COL27A1: variants seen among roughly 807,000 people sequenced by gnomAD.
COL27A1 encodes collagen alpha-1(XXVII) chain.
COL27A1 carries 106 observed loss-of-function variants against 251.3 expected under a neutral mutation model. That is an observed-to-expected ratio of 0.42 (90% confidence interval 0.36 to 0.50). The LOEUF (loss-of-function observed/expected upper bound fraction) is 0.50. Among genes scored for constraint, COL27A1 ranks in the 20% least tolerant of loss-of-function variants. The probability of loss-of-function intolerance (pLI) is 0.00; values close to 1 mark genes in which losing one functional copy is unlikely to be tolerated. For missense variants in COL27A1, 2,325 were observed against 2,522.8 expected (o/e 0.92, Z 1.68); for synonymous variants, 1,000 against 986.3 (o/e 1.01, Z -0.26).
At position 114,295,719 on chromosome 9, in the gene COL27A1, G is replaced by T. The variant is rs187590915; in HGVS notation, c.4584+3509G>T. On this transcript the variant is annotated intron_variant, in intron 49 of 60. Coordinates refer to ENST00000356083, the MANE Select transcript of COL27A1 (RefSeq NM_032888.4). ...GTTGCCCAGGCTGGAGTGCAATGGT[G>T]CAATCTCAGCTCACCGCAACCTCCG... is the stretch of plus-strand genomic sequence containing the variant. Among the ~76,000 whole-genome samples, 46 of 152,078 alleles carry T rather than the reference G, an allele frequency of 3.0e-4. 1 individual carries two copies. The East Asian group carries it at 8.5e-3, about 28-fold the overall frequency.
chr9:114,174,870 T>G (rs542404293), intron 3 of COL27A1, among the ~76,000 whole-genome samples: 8 of 152,128 alleles, frequency 5.3e-5, no homozygotes, highest in Non-Finnish European at 1.0e-4. Context: ...GCTCAGATGG[T>G]CAGAGATGGG....
At chr9:114,205,876 C>T (rs1054745054) in intron 9 of COL27A1, 64 bp downstream of exon 9, 24 of 1,465,652 alleles carry the variant, frequency 1.6e-5, no homozygotes, top group African/African-American at 7.0e-5. Flanking sequence ...ACAGGTGCCC[C>T]GAGGCAGAGG....
chr9:114,284,571 G>T (rs1827327259), intron 40 of COL27A1, among the ~76,000 whole-genome samples, 153 bp from the exon 41 acceptor site: 1 of 152,318 alleles, frequency 6.6e-6, no homozygotes, highest in Non-Finnish European at 1.5e-5. Flanking sequence ...GAAGGCCAGG[G>T]CCCAGACAGG....
chr9:114,204,270 G>A (rs951362002), intron 7 of COL27A1, among the ~76,000 whole-genome samples: 11 of 152,174 alleles, frequency 7.2e-5, no homozygotes, highest in Admixed American at 2.0e-4. Context: ...CTGCGTAAGA[G>A]GGTCTAACAT....
Position 114,302,082 on chromosome 9 carries a change from G to T in COL27A1, c.4846G>T (p.Gly1616Cys). ...ACTGACCCGCAGTCTTCTTTTGCAG[G>T]GTCCTCCAGGGGGTCCTATCCAATT... Reference protein sequence around the residue: ...PGPRGRPGPPGPPGGPIQLQQ... With the variant: ...PGPRGRPGPPCPPGGPIQLQQ... Residue 1616 changes from glycine (G) to cysteine (C), a missense_variant and splice_region_variant, in exon 56 of 61, where the codon GGT becomes TGT. Physicochemically the swap from Gly to Cys is radical, Grantham distance 159. Coordinates refer to ENST00000356083, the MANE Select transcript of COL27A1 (RefSeq NM_032888.4). The T allele has an allele frequency of 1.9e-6, 3 of 1,612,754 alleles. No individual in the cohort carries two copies. The highest frequency in any genetic ancestry group is 2.5e-6 in the Non-Finnish European group (3 of 1,178,776).
At position 114,268,285 on chromosome 9, in the gene COL27A1, T is replaced by C. The variant is rs569057718; in HGVS notation, c.3501+728T>C. On this transcript the variant is annotated intron_variant, in intron 34 of 60. Coordinates refer to ENST00000356083, the MANE Select transcript of COL27A1 (RefSeq NM_032888.4). Reference sequence around the variant, plus strand: ...GGAGCATAGCTTGAAAATTCACCAATGAAGAAACCACCCCACGTAGAAAAC... The same window carrying C: ...GGAGCATAGCTTGAAAATTCACCAACGAAGAAACCACCCCACGTAGAAAAC... Among the ~76,000 whole-genome samples, 305 of 145,766 alleles carry C rather than the reference T, an allele frequency of 2.1e-3. 2 individuals are homozygous for C. Among genetic ancestry groups the C allele is most frequent in the African/African-American group, 7.7e-3 (301 of 38,980 alleles).
chr9:114,196,126 C>T, intron 7 of COL27A1, 114 bp downstream of exon 7: 10 of 915,022 alleles, frequency 1.1e-5, no homozygotes, highest in Admixed American at 3.5e-5. Flanking sequence ...CCCAGCTCCC[C>T]TGGGCACAGG....
chr9:114,226,810 C>T (rs1831502860), intron 14 of COL27A1, among the ~76,000 whole-genome samples: 1 of 152,234 alleles, frequency 6.6e-6, no homozygotes, highest in Admixed American at 6.5e-5. Flanking sequence ...ACTGGGATCA[C>T]AGAGGTGAGG....
At position 114,162,745 on chromosome 9, in the gene COL27A1, G is replaced by T. The variant is rs745344423; in HGVS notation, c.93G>T (p.Ser31=). 5 of 1,612,462 alleles carry T rather than the reference G, an allele frequency of 3.1e-6. No homozygotes were observed. The highest frequency in any genetic ancestry group is 2.5e-6 in the Non-Finnish European group (3 of 1,179,600). ...GGFLFSWILV[S]FACHLASTQG... Reference sequence around the variant, plus strand: ...TTCTCTTCTCCTGGATCTTAGTCTCGTTTGCCTGTCACCTGGCCTCCACCC... The same window carrying T: ...TTCTCTTCTCCTGGATCTTAGTCTCTTTTGCCTGTCACCTGGCCTCCACCC... Residue 31 remains serine (S), a synonymous_variant, in exon 2 of 61, where the codon TCG becomes TCT. Coordinates refer to ENST00000356083, the MANE Select transcript of COL27A1 (RefSeq NM_032888.4).
At chr9:114,177,139 C>G (rs1280729067) in intron 3 of COL27A1, among the ~76,000 whole-genome samples, 5 of 152,178 alleles carry the variant, frequency 3.3e-5, no homozygotes, top group African/African-American at 9.7e-5. Context: ...AGCTATTGGA[C>G]CCATCTTAAC....
At position 114,258,544 on chromosome 9, in the gene COL27A1, C is replaced by T. The variant is rs1834104213; in HGVS notation, c.3145C>T (p.Pro1049Ser). 1 of 1,614,000 alleles carries T rather than the reference C, an allele frequency of 6.2e-7. No homozygotes were observed. The highest frequency in any genetic ancestry group is 8.5e-7 in the Non-Finnish European group (1 of 1,179,968). Reference sequence around the variant, plus strand: ...AAACTCTTTCTCCTCTTCCCAGGGTCCTCCAGGATCTCGAGGCCCACCAGG... The same window carrying T: ...AAACTCTTTCTCCTCTTCCCAGGGTTCTCCAGGATCTCGAGGCCCACCAGG... ...GTPGEPGPQG[P>S]PGSRGPPGMR... Residue 1049 changes from proline to serine, a missense_variant, in exon 28 of 61, where the codon CCT becomes TCT. Pro to Ser is a moderately conservative substitution (Grantham distance 74, BLOSUM62 -1). Around this residue, in one of 4 missense-constraint regions of COL27A1, gnomAD observed 662 missense variants for 795.3 expected, o/e 0.83. Transcript: ENST00000356083.
Position 114,264,950 on chromosome 9 carries a change from G to T in COL27A1, c.3276G>T (p.Pro1092=), listed in dbSNP as rs140175927. ...LKGPPGPQGR[P]GRPGQQGVAG... is the part of the protein sequence containing the mutation. ...GCCCTCCAGGACCCCAGGGCAGACC[G>T]GGCCGGCCTGGACAGCAGGTATGTC... The change falls in exon 30 of 61, where the codon CCG becomes CCT. Residue 1092 remains proline, a synonymous_variant. Coordinates refer to ENST00000356083, the MANE Select transcript of COL27A1 (RefSeq NM_032888.4). 2.2e-5 allele frequency: 36 copies of T among 1,613,078 alleles called. No homozygotes were observed. The highest frequency in any genetic ancestry group is 2.7e-5 in the Non-Finnish European group (32 of 1,179,486).
At chr9:114,250,466 G>A (rs1564523586) in intron 24 of COL27A1, 149 bp from the exon 25 acceptor site, 1 of 683,606 alleles carries the variant, frequency 1.5e-6, no homozygotes, top group Non-Finnish European at 2.6e-6. Flanking sequence ...CCAGAGAGAG[G>A]CAGCGCTCTC....
chr9:114,283,566 C>G lies in COL27A1; in HGVS notation c.3880-143C>G, dbSNP rs916501489. ...AGGAGGGATAATGTTACTGGCTTTC[C>G]GCCTTGTTCACACACTTTGGTTATG... On this transcript the variant is annotated intron_variant, in intron 39 of 60. Transcript: ENST00000356083. 5 of 685,548 alleles carry G rather than the reference C, an allele frequency of 7.3e-6. No individual in the cohort carries two copies. In the East Asian group the frequency reaches 1.3e-4, roughly 18 times the overall value. The allele number at this position is 685,548 out of a possible 1,614,324, so 42.5% of individuals were successfully genotyped here.
intron 3 of COL27A1, among the ~76,000 whole-genome samples, chr9:114,174,619 AC>A (rs1192374439): frequency 6.6e-6 from 1 of 152,150 alleles, no homozygotes; most frequent in Non-Finnish European, 1.5e-5. Flanking sequence ...AGGGCACGGC[AC>A]AGATCTGGGG....
At chr9:114,291,578 G>A (rs1004639662) in intron 48 of COL27A1, among the ~76,000 whole-genome samples, 2 of 152,048 alleles carry the variant, frequency 1.3e-5, no homozygotes, top group South Asian at 2.1e-4. Flanking sequence ...GGGAAACCCC[G>A]TCTCTACTAA....
At chr9:114,179,658 G>A (rs891829135) in intron 4 of COL27A1, among the ~76,000 whole-genome samples, 8 of 152,192 alleles carry the variant, frequency 5.3e-5, no homozygotes, top group African/African-American at 1.9e-4. Flanking sequence ...AGCCACATGT[G>A]CAGGATCTCA....
Position 114,205,611 on chromosome 9 carries a change from G to A in COL27A1, c.2170-148G>A, listed in dbSNP as rs1353901943. On this transcript the variant is annotated intron_variant, in intron 8 of 60. Transcript: ENST00000356083. ...GTCTGACCGGTTTCACAGAGGGGTG[G>A]GCTTGGGGGCCCTCCCCTTCCTCCT... The A allele has an allele frequency of 4.1e-6, 3 of 733,352 alleles. No homozygotes were observed. The African/African-American group carries it at 5.2e-5, about 13-fold the overall frequency. 45.4% of individuals were successfully genotyped at this position (733,352 alleles called of 1,614,324 possible). A position where few individuals can be genotyped will look rare whatever the true frequency, so the allele number is the denominator to read the frequency against.
chr9:114,290,266 C>T lies in COL27A1; in HGVS notation c.4303C>T (p.Gln1435Ter). The T allele has an allele frequency of 6.3e-7, 1 of 1,578,704 alleles. No homozygotes were observed. Among genetic ancestry groups the T allele is most frequent in the Non-Finnish European group, 8.6e-7 (1 of 1,162,300 alleles). Residue 1435 changes from glutamine (Q) to a stop codon, truncating the protein, a stop_gained, in exon 47 of 61, where the codon CAG becomes TAG. Transcript: ENST00000356083. LOFTEE classifies it high-confidence loss of function. This position sits in a 1 kb window ranked among gnomAD's most constrained non-coding sequence, Gnocchi z 4.6. ...LPGPRGVVGR[Q>*]GLEGIAGPDG... ...AGGGCCCCGGGGCGTGGTGGGGAGA[C>T]AGGGCCTCGAGGGCATCGCTGGACC...
Sources: allele counts gnomAD v4.1 joint callset (sites outside exome capture counted in the v4.1 genomes callset), GRCh38; gene constraint gnomAD v4.1.1; regional missense constraint gnomAD v4.1.1; non-coding constraint Gnocchi (gnomAD v3.1); transcripts MANE v1.5; gene names NCBI Gene and HGNC (gene_info 2026-07-23, HGNC 2026-07-21).